Variants in DOK7 observed in about 807,000 individuals in gnomAD.
DOK7 encodes protein Dok-7.
DOK7 carries 32 observed loss-of-function variants against 30.7 expected under a neutral mutation model. The ratio of observed to expected loss-of-function variants is 1.04; its 90% CI spans 0.79 to 1.40. The LOEUF (loss-of-function observed/expected upper bound fraction) is 1.40, where lower values mean the gene tolerates loss of function less well. DOK7 is among the 40% of genes most tolerant of loss of function. The pLI is 0.00. For synonymous variants in DOK7, 447 were observed against 324.1 expected, an observed-to-expected ratio of 1.38 and a Z score of -4.07; for missense variants, 1,007 against 699.2, an observed-to-expected ratio of 1.44 and a Z score of -4.97.
chr4:3,485,705 T>G (rs1727735584), intron 5 of DOK7, 47 bp downstream of exon 5: 1 of 1,482,366 alleles, frequency 6.7e-7, no homozygotes, highest in African/African-American at 1.4e-5. Context: ...CTCGGCAGGC[T>G]GTGCGACGTC....
chr4:3,469,606 C>T (rs577253559), intron 2 of DOK7, among the ~76,000 whole-genome samples: 1 of 152,220 alleles, frequency 6.6e-6, no homozygotes, highest in Admixed American at 6.5e-5. Flanking sequence ...GGCCAGTGGC[C>T]ATCCACTCCT....
At chr4:3,490,563 CGTT>C (rs1346356484) in intron 6 of DOK7, among the ~76,000 whole-genome samples, 1 of 58,742 alleles carries the variant, frequency 1.7e-5, no homozygotes, top group Admixed American at 2.2e-4. Flanking sequence ...CCTGCTCATT[CGTT>C]TTTTCCTTCT....
rs779508279 is a variant in DOK7, at chr4:3,493,322, TGGCTGGGCACGAGAC to T, written c.1340_1354del (p.Leu447_Arg451del). The T allele has an allele frequency of 3.7e-5, 59 of 1,603,934 alleles. No homozygotes were observed. The highest frequency in any genetic ancestry group is 1.9e-4 in the Admixed American group (11 of 59,072). ...GACGTCCGCCGGGTGTCCCTCTGGCTGGCTGGGCACGAGACGGCGGGGCCTGGTGATGGAGGCCCC... is the reference window on the plus strand; with the variant it reads ...GACGTCCGCCGGGTGTCCCTCTGGCTGGCGGGGCCTGGTGATGGAGGCCCC... On this transcript the variant is annotated inframe_deletion, in exon 7 of 7. Coordinates refer to ENST00000340083, the MANE Select transcript of DOK7 (RefSeq NM_173660.5).
At position 3,492,989 on chromosome 4, in the gene DOK7, T is replaced by A; in HGVS notation, c.1003T>A (p.Ser335Thr). The A allele has an allele frequency of 6.4e-7, 1 of 1,557,544 alleles. No individual in the cohort carries two copies. The highest frequency in any genetic ancestry group is 8.7e-7 in the Non-Finnish European group (1 of 1,155,548). Residue 335 changes from serine to threonine, a missense_variant, in exon 7 of 7, where the codon TCC becomes ACC. Ser to Thr is a moderately conservative substitution (Grantham distance 58). Transcript: ENST00000340083. ...RQLQEVGRQS[S>T]SDSGIATGSH... ...GCTGCAGGAGGTTGGCCGCCAGAGC[T>A]CCTCGGACAGCGGCATCGCCACTGG...
At chr4:3,484,666 C>A (rs1727648264) in intron 4 of DOK7, 2 of 985,546 alleles carry the variant, frequency 2.0e-6, no homozygotes, top group Non-Finnish European at 2.4e-6. Flanking sequence ...TGGGCTGGTC[C>A]CTGGGGGCCC....
At position 3,493,901 on chromosome 4, in the gene DOK7, G is replaced by A. The variant is rs1728726477; in HGVS notation, c.*400G>A. ...CTCACGCCCCCTTCGGGGGTGGCCG[G>A]TTCTCCCCATCACCTCTCTGGGGCA... is the stretch of plus-strand genomic sequence containing the variant. On this transcript the variant is annotated 3_prime_UTR_variant, in exon 7 of 7. Coordinates refer to ENST00000340083, the MANE Select transcript of DOK7 (RefSeq NM_173660.5). 3 of 1,063,224 alleles carry A rather than the reference G, an allele frequency of 2.8e-6. No individual in the cohort carries two copies. The highest frequency in any genetic ancestry group is 7.3e-5 in the South Asian group (2 of 27,424). 65.9% of individuals were successfully genotyped at this position (1,063,224 alleles called of 1,614,324 possible).
chr4:3,463,450 CGGGGGGGGG>C, intron 1 of DOK7, 21 bp downstream of exon 1: 1 of 1,229,784 alleles, frequency 8.1e-7, no homozygotes, highest in East Asian at 3.4e-5. Context: ...GTCGGGGGCG[CGGGGGGGGG>C]GGGCGCGGGC....
exon 8 of DOK7, chr4:3,500,768 A>T (rs1299540722): frequency 6.5e-7 from 1 of 1,534,006 alleles, no homozygotes; most frequent in Non-Finnish European, 8.7e-7. Context: ...TGCGGCACGC[A>T]CGGGCCCGGG....
exon 8 of DOK7, chr4:3,501,055 G>C (rs1729162218): frequency 1.6e-6 from 1 of 642,556 alleles, no homozygotes; most frequent in Non-Finnish European, 2.5e-6. Context: ...TGAAAGAGTT[G>C]CTCTGGACCC....
chr4:3,463,801 G>A (rs1229584947), intron 2 of DOK7, among the ~76,000 whole-genome samples: 1 of 152,180 alleles, frequency 6.6e-6, no homozygotes, highest in Non-Finnish European at 1.5e-5. Flanking sequence ...TAGGCGGAGG[G>A]GACGCAGGCC....
intron 5 of DOK7, among the ~76,000 whole-genome samples, chr4:3,489,153 G>T (rs1282848999): frequency 6.6e-6 from 1 of 152,156 alleles, no homozygotes; most frequent in East Asian, 1.9e-4. Flanking sequence ...AGGGTCCGCA[G>T]ACCACCATGC....
chr4:3,469,439 T>C (rs1415173122), intron 2 of DOK7, among the ~76,000 whole-genome samples: 1 of 152,068 alleles, frequency 6.6e-6, no homozygotes, highest in East Asian at 1.9e-4. Flanking sequence ...GCAGGGCTGA[T>C]GGTGGTTCCT....
At chr4:3,468,658 GTGTGTGTGCC>G (rs1157323896) in intron 2 of DOK7, among the ~76,000 whole-genome samples, 2 of 109,084 alleles carry the variant, frequency 1.8e-5, no homozygotes, top group South Asian at 2.8e-4. Context: ...GCATGTATGA[GTGTGTGTGCC>G]TGTGTGCATG....
chr4:3,478,565 TGGGCTGGCCCCACAGAACCCGCAAACGG>T (rs564041020), intron 4 of DOK7, among the ~76,000 whole-genome samples: 7 of 103,478 alleles, frequency 6.8e-5, no homozygotes, highest in South Asian at 7.4e-4. Flanking sequence ...ACCTGCAGAC[TGGGCTGGCCCCACAGAACCCGCAAACGG>T]GGGCTGGCCC....
chr4:3,479,977 C>A (rs888434661), intron 4 of DOK7, among the ~76,000 whole-genome samples: 1 of 152,232 alleles, frequency 6.6e-6, no homozygotes. Flanking sequence ...CACACACGGG[C>A]AAGTGACTGG....
At chr4:3,500,929 C>T (rs1729156562) in exon 8 of DOK7, 2 of 1,426,490 alleles carry the variant, frequency 1.4e-6, no homozygotes, top group Admixed American at 2.8e-5. Context: ...CCCCAGGGAG[C>T]TCCCAGTCGC....
At position 3,468,493 on chromosome 4, in the gene DOK7, T is replaced by G. The variant is rs550834381; in HGVS notation, c.101-4913T>G. Among the ~76,000 whole-genome samples the G allele has an allele frequency of 3.6e-3, 549 of 150,518 alleles. 5 individuals carry two copies. Among genetic ancestry groups the G allele is most frequent in the African/African-American group, 0.013 (525 of 40,248 alleles). ...GTGTGCCTCTGTGTACATGTATGAG[T>G]GTGCATGTGCGTGTGTGCGTGTATG... On this transcript the variant is annotated intron_variant, in intron 2 of 6. Coordinates refer to ENST00000340083, the MANE Select transcript of DOK7 (RefSeq NM_173660.5).
At position 3,484,973 on chromosome 4, in the gene DOK7, G is replaced by A. The variant is rs548598515; in HGVS notation, c.533-566G>A. ...CCAGGTGGCACAGCTCCCTTCTCCT[G>A]TGGCCTTGGAGCCCTGAGGGGACCC... On this transcript the variant is annotated intron_variant, in intron 4 of 6. Coordinates refer to ENST00000340083, the MANE Select transcript of DOK7 (RefSeq NM_173660.5). 6 of 792,136 alleles carry A rather than the reference G, an allele frequency of 7.6e-6. No individual in the cohort carries two copies. The African/African-American group carries it at 9.3e-5, about 12-fold the overall frequency. The allele number at this position is 792,136 out of a possible 1,614,324, so 49.1% of individuals were successfully genotyped here.
rs757138356 is a variant in DOK7 at position 3,476,569 on chromosome 4, G to T, written c.532+27G>T. 2.0e-5 allele frequency: 32 copies of T among 1,612,762 alleles called. No individual in the cohort carries two copies. In the Admixed American group the frequency reaches 3.3e-4, roughly 17 times the overall value. On this transcript the variant is annotated intron_variant, in intron 4 of 6. Transcript: ENST00000340083. ...TAAGTACGGATGTGTGGGGTCACTGGGCAGCAGCAGCACCCCCCACTTCCC... is the reference window on the plus strand; with the variant it reads ...TAAGTACGGATGTGTGGGGTCACTGTGCAGCAGCAGCACCCCCCACTTCCC...
Sources: gnomAD v4.1 joint callset for allele counts (sites outside exome capture counted in the v4.1 genomes callset) on GRCh38, gnomAD v4.1.1 for gene constraint, MANE v1.5 for transcripts, NCBI Gene and HGNC (gene_info 2026-07-23, HGNC 2026-07-21) for gene names.